MFAP3L: variants seen among roughly 807,000 people sequenced by gnomAD.
The protein encoded by MFAP3L is microfibrillar-associated protein 3-like.
Under a neutral mutation model 20.0 loss-of-function variants are expected in MFAP3L, and 5 were observed. That is an observed-to-expected ratio of 0.25 (90% confidence interval 0.13 to 0.53). The LOEUF (loss-of-function observed/expected upper bound fraction) is 0.53, where lower values mean the gene tolerates loss of function less well. MFAP3L is among the 20% of genes least tolerant of loss of function. MFAP3L has a pLI of 0.96. For synonymous variants in MFAP3L, 219 were observed against 213.0 expected, an observed-to-expected ratio of 1.03 and a Z score of -0.25; for missense variants, 409 against 527.5, an observed-to-expected ratio of 0.78 and a Z score of 2.20.
intron 2 of MFAP3L, among the ~76,000 whole-genome samples, chr4:169,999,197 C>T (rs1581470375): frequency 6.6e-6 from 1 of 152,290 alleles, no homozygotes; most frequent in Non-Finnish European, 1.5e-5. Flanking sequence ...CACAACCCTC[C>T]CAAGAGACCT....
In MFAP3L at chr4:169,987,368, A is replaced by G. The variant is rs1434610837; in HGVS notation, c.*4010T>C. 5.3e-5 allele frequency: 8 copies of G among 152,210 alleles called. No individual in the cohort carries two copies. The highest frequency in any genetic ancestry group is 1.2e-4 in the Non-Finnish European group (8 of 68,034). 9.4% of individuals were successfully genotyped at this position (152,210 alleles called of 1,614,324 possible). A position where few individuals can be genotyped will look rare whatever the true frequency, so the allele number is the denominator to read the frequency against. On this transcript the variant is annotated 3_prime_UTR_variant, in exon 3 of 3. Coordinates refer to ENST00000361618, the MANE Select transcript of MFAP3L (RefSeq NM_021647.8). ...AACCAAGGATAGAAACATTTATAGA[A>G]TTACTCAATGCCAAAAGGGTACGTG... is the stretch of plus-strand genomic sequence containing the variant.
Position 169,991,316 on chromosome 4 carries a change from C to A in MFAP3L, c.*62G>T. 6.6e-7 allele frequency: 1 copy of A among 1,524,890 alleles called. No individual in the cohort carries two copies. The allele number at this position is 1,524,890 out of a possible 1,614,324, so 94.5% of individuals were successfully genotyped here. ...AAGGCTTAGCGGCAAGTGCGTACTA[C>A]ATCTGTATTACAAGGAGCAGCCCCT... On this transcript the variant is annotated 3_prime_UTR_variant, in exon 3 of 3. Transcript: ENST00000361618. The surrounding 1 kb of genome is among the most constrained non-coding windows in gnomAD (Gnocchi z 4.9).
At chr4:170,010,813 G>GGGC (rs1554000967) in intron 1 of MFAP3L, among the ~76,000 whole-genome samples, 3 of 151,770 alleles carry the variant, frequency 2.0e-5, no homozygotes, top group African/African-American at 7.3e-5. Context: ...CATTGCGGGG[G>GGGC]GGTGGGTGCC....
At chr4:170,006,951 T>G (rs929345297) in intron 1 of MFAP3L, 1 of 152,252 alleles carries the variant, frequency 6.6e-6, no homozygotes, top group Non-Finnish European at 1.5e-5. Flanking sequence ...TCCCACAGGC[T>G]GGGGAACATC....
chr4:170,015,082 A>T (rs968219730), intron 1 of MFAP3L, among the ~76,000 whole-genome samples: 1 of 152,188 alleles, frequency 6.6e-6, no homozygotes, highest in Admixed American at 6.5e-5. Context: ...GGTGCCTGGG[A>T]TAAGAGATGG....
Position 169,991,926 on chromosome 4 carries a change from T to C in MFAP3L, c.682A>G (p.Met228Val). ...TCTTCGATGTAGCGGGCGAACTCCATGGTTTTGAACTGGGTGACTTTGGCA... is the reference window on the plus strand; with the variant it reads ...TCTTCGATGTAGCGGGCGAACTCCACGGTTTTGAACTGGGTGACTTTGGCA... ...ELAKVTQFKT[M>V]EFARYIEELA... is the part of the protein sequence containing the mutation. The change falls in exon 3 of 3, where the codon ATG (methionine) becomes GTG (valine). Residue 228 changes from methionine to valine, a missense_variant. Physicochemically the swap from Met to Val is conservative, Grantham distance 21. Around this residue, in one of 3 missense-constraint regions of MFAP3L, gnomAD observed 127 missense variants for 218.1 expected, o/e 0.58. Coordinates refer to ENST00000361618, the MANE Select transcript of MFAP3L (RefSeq NM_021647.8). This position sits in a 1 kb window ranked among gnomAD's most constrained non-coding sequence, Gnocchi z 4.9. 1 of 1,614,182 alleles carries C rather than the reference T, an allele frequency of 6.2e-7. No individual in the cohort carries two copies. The highest frequency in any genetic ancestry group is 8.5e-7 in the Non-Finnish European group (1 of 1,180,030).
intron 2 of MFAP3L, chr4:170,003,681 G>A (rs1409787127): frequency 1.0e-6 from 1 of 985,410 alleles, no homozygotes; most frequent in Non-Finnish European, 1.2e-6. Context: ...CTTTGCTTTA[G>A]GGTCCATGTA....
At chr4:170,002,326 A>G (rs1738692201) in intron 2 of MFAP3L, 3 of 838,798 alleles carry the variant, frequency 3.6e-6, no homozygotes, top group Middle Eastern at 6.1e-4. Context: ...TCTCATCTGT[A>G]TACATGAGGA....
chr4:170,002,064 G>A (rs968025024), intron 2 of MFAP3L: 9 of 985,254 alleles, frequency 9.1e-6, no homozygotes, highest in South Asian at 9.4e-5. Flanking sequence ...ATTTTTGAAC[G>A]CCTTTTTGTG....
intron 1 of MFAP3L, among the ~76,000 whole-genome samples, chr4:170,007,658 G>A (rs1024101173): frequency 5.3e-5 from 8 of 152,216 alleles, no homozygotes; most frequent in South Asian, 2.1e-4. Context: ...TGCTTAAAAC[G>A]TTATTATAAA....
intron 1 of MFAP3L, among the ~76,000 whole-genome samples, chr4:170,020,467 T>C (rs1455735856): frequency 6.6e-6 from 1 of 152,196 alleles, no homozygotes; most frequent in Non-Finnish European, 1.5e-5. Context: ...ACCATGTCAT[T>C]ACTAGAGTCA....
At position 169,991,517 on chromosome 4, in the gene MFAP3L, G is replaced by A. The variant is rs369159449; in HGVS notation, c.1091C>T (p.Thr364Met). 8 of 1,614,034 alleles carry A rather than the reference G, an allele frequency of 5.0e-6. No homozygotes were observed. The highest frequency in any genetic ancestry group is 3.3e-5 in the Admixed American group (2 of 59,998). ...CTCTTCAGATGTTAGCTCGGTGGAC[G>A]TGACATCGGTAGAAGGTTCTGCAGT... ...PETAEPSTDV[T>M]STELTSEEPT... Residue 364 changes from threonine to methionine, a missense_variant, in exon 3 of 3, where the codon ACG (threonine) becomes ATG (methionine). By Grantham distance (81) the Thr-to-Met change is moderately conservative. Transcript: ENST00000361618. This position sits in a 1 kb window ranked among gnomAD's most constrained non-coding sequence, Gnocchi z 4.9.
chr4:169,988,476 G>T lies in MFAP3L; in HGVS notation c.*2902C>A, dbSNP rs557776020. On this transcript the variant is annotated 3_prime_UTR_variant, in exon 3 of 3. Coordinates refer to ENST00000361618, the MANE Select transcript of MFAP3L (RefSeq NM_021647.8). ...AACGACTACATACGACCCAAAGGAC[G>T]AGGCTTTGGATTTAGTGTGAAGCTT... 6.6e-6 allele frequency: 1 copy of T among 152,300 alleles called. No individual in the cohort carries two copies. The highest frequency in any genetic ancestry group is 2.4e-5 in the African/African-American group (1 of 41,568). The allele number at this position is 152,300 out of a possible 1,614,324, so 9.4% of individuals were successfully genotyped here.
At chr4:170,023,044 C>T (rs1369591526) in intron 1 of MFAP3L, among the ~76,000 whole-genome samples, 1 of 152,184 alleles carries the variant, frequency 6.6e-6, no homozygotes, top group Non-Finnish European at 1.5e-5. Flanking sequence ...CAATGATGTT[C>T]CTTCTTCCTG....
chr4:169,987,231 G>A lies in MFAP3L; in HGVS notation c.*4147C>T, dbSNP rs1425173322. 6.6e-6 allele frequency: 1 copy of A among 152,102 alleles called. No homozygotes were observed. Among genetic ancestry groups the A allele is most frequent in the Non-Finnish European group, 1.5e-5 (1 of 68,006 alleles). 9.4% of individuals were successfully genotyped at this position (152,102 alleles called of 1,614,324 possible). On this transcript the variant is annotated 3_prime_UTR_variant, in exon 3 of 3. Transcript: ENST00000361618. The stretch of plus-strand genomic sequence containing the variant: ...AAAAATGTCATTAGGAAAATAAACT[G>A]TGCTATTTACTGAAGGATTTTTTAA...
At position 170,005,721 on chromosome 4, in the gene MFAP3L, T is replaced by C; in HGVS notation, c.157A>G (p.Thr53Ala). 1 of 1,614,214 alleles carries C rather than the reference T, an allele frequency of 6.2e-7. No individual in the cohort carries two copies. The highest frequency in any genetic ancestry group is 8.5e-7 in the Non-Finnish European group (1 of 1,180,036). ...LGSVPVIIAR[T>A]DHIIVKEGNS... The stretch of plus-strand genomic sequence containing the variant: ...CCTTCCTTGACTATGATATGGTCAG[T>C]TCTGGCAATGATTACGGGCACAGAG... The change falls in exon 2 of 3, where the codon ACT becomes GCT. Residue 53 changes from threonine (T) to alanine (A), a missense_variant. By Grantham distance (58) the Thr-to-Ala change is moderately conservative. Coordinates refer to ENST00000361618, the MANE Select transcript of MFAP3L (RefSeq NM_021647.8).
rs532930632 is a variant in MFAP3L at position 170,001,075 on chromosome 4, A to G, written c.298+4505T>C. ...TTAATATACTAAACAAGAATTCAGT[A>G]TAACAGGTTAATACACCACTTCACA... On this transcript the variant is annotated intron_variant, in intron 2 of 2. Coordinates refer to ENST00000361618, the MANE Select transcript of MFAP3L (RefSeq NM_021647.8). Among the ~76,000 whole-genome samples, 6 of 152,320 alleles carry G rather than the reference A, an allele frequency of 3.9e-5. No homozygotes were observed. The East Asian group carries it at 1.2e-3, about 29-fold the overall frequency.
intron 1 of MFAP3L, chr4:170,006,840 C>G (rs1739067753): frequency 6.6e-6 from 1 of 152,274 alleles, no homozygotes; most frequent in African/African-American, 2.4e-5. Flanking sequence ...ACTTCCCATG[C>G]TCCTCTGAGC....
In MFAP3L at chr4:170,005,861, C is replaced by T; in HGVS notation, c.17G>A (p.Ser6Asn). Residue 6 changes from serine (S) to asparagine (N), a missense_variant, in exon 2 of 3, where the codon AGC becomes AAC. Transcript: ENST00000361618. MDRLKSHLTVCFLPSV... is the reference protein window; with the variant it reads MDRLKNHLTVCFLPSV... ...AGGTAGAAAGCACACAGTCAGATGG[C>T]TCTTCAATCGATCCATCTTCTTTGC... 2 of 1,613,536 alleles carry T rather than the reference C, an allele frequency of 1.2e-6. No homozygotes were observed. Among genetic ancestry groups the T allele is most frequent in the Non-Finnish European group, 1.7e-6 (2 of 1,179,538 alleles).
Sources: gnomAD v4.1 joint callset for allele counts (sites outside exome capture counted in the v4.1 genomes callset) on GRCh38, gnomAD v4.1.1 for gene constraint, gnomAD v4.1.1 regional missense constraint, Gnocchi (gnomAD v3.1) non-coding constraint, MANE v1.5 for transcripts, NCBI Gene and HGNC (gene_info 2026-07-23, HGNC 2026-07-21) for gene names.